Variants in SLC26A7 observed in about 807,000 individuals in gnomAD.
The protein encoded by SLC26A7 is anion exchange transporter.
A neutral mutation model predicts 82.5 loss-of-function variants in SLC26A7; 59 were observed. That is an observed-to-expected ratio of 0.72 (90% confidence interval 0.58 to 0.89). The LOEUF (loss-of-function observed/expected upper bound fraction) is 0.89, where lower values mean the gene tolerates loss of function less well. Among genes scored for constraint, SLC26A7 ranks in the 40% least tolerant of loss-of-function variants. The probability of loss-of-function intolerance (pLI) is 0.00; values close to 1 mark genes in which losing one functional copy is unlikely to be tolerated. For missense variants in SLC26A7, 820 were observed against 793.0 expected, an observed-to-expected ratio of 1.03 and a Z score of -0.41; for synonymous variants, 271 against 274.3, an observed-to-expected ratio of 0.99 and a Z score of 0.12.
intron 15 of SLC26A7, among the ~76,000 whole-genome samples, chr8:91,379,062 A>T (rs1167251824): frequency 7.3e-6 from 1 of 136,484 alleles, no homozygotes; most frequent in Non-Finnish European, 1.7e-5. Context: ...CAGTATCTTT[A>T]AAAAAAATCA....
chr8:91,246,951 A>G (rs1019450150), upstream of SLC26A7, among the ~76,000 whole-genome samples: 1 of 152,216 alleles, frequency 6.6e-6, no homozygotes, highest in African/African-American at 2.4e-5. Flanking sequence ...ATACAGAGGT[A>G]GTATCTACTC....
chr8:91,369,369 G>GT (rs34226630), intron 14 of SLC26A7, among the ~76,000 whole-genome samples: 18 of 147,506 alleles, frequency 1.2e-4, no homozygotes, highest in African/African-American at 3.5e-4. Flanking sequence ...ATACAGAGCT[G>GT]TTTTTTTTTT....
At chr8:91,367,076 C>T (rs547228144) in intron 14 of SLC26A7, among the ~76,000 whole-genome samples, 2 of 151,778 alleles carry the variant, frequency 1.3e-5, no homozygotes, top group African/African-American at 4.8e-5. Context: ...GGTGCCATCT[C>T]GGCTCACTGC....
chr8:91,253,367 C>A (rs1810711688), intron 2 of SLC26A7, among the ~76,000 whole-genome samples: 1 of 152,096 alleles, frequency 6.6e-6, no homozygotes, highest in Non-Finnish European at 1.5e-5. Context: ...TTGTTTCTAT[C>A]CCCTCTCATT....
At chr8:91,237,682 C>A (rs188275829) in intron 2 of SLC26A7, among the ~76,000 whole-genome samples, 5 of 152,190 alleles carry the variant, frequency 3.3e-5, no homozygotes, top group East Asian at 1.9e-4. Flanking sequence ...AAACCTCAAG[C>A]TTTAACTGCA....
chr8:91,383,385 G>T (rs559743700), intron 15 of SLC26A7, among the ~76,000 whole-genome samples: 2 of 152,128 alleles, frequency 1.3e-5, no homozygotes, highest in Non-Finnish European at 2.9e-5. Flanking sequence ...AGTCATCCAG[G>T]AGACATCAAG....
intron 1 of SLC26A7, among the ~76,000 whole-genome samples, chr8:91,216,493 T>A (rs1810050217): frequency 6.6e-6 from 1 of 152,178 alleles, no homozygotes; most frequent in African/African-American, 2.4e-5. Context: ...GGTTCTTGGC[T>A]CTATTAATTG....
intron 10 of SLC26A7, among the ~76,000 whole-genome samples, chr8:91,352,585 T>C (rs1305151957): frequency 2.0e-5 from 3 of 152,152 alleles, no homozygotes; most frequent in Admixed American, 1.3e-4. Context: ...TTCAAACAAA[T>C]GACCGTGAAT....
chr8:91,372,078 G>A (rs1281574125), intron 15 of SLC26A7, among the ~76,000 whole-genome samples: 1 of 151,708 alleles, frequency 6.6e-6, no homozygotes, highest in East Asian at 1.9e-4. Context: ...CTTTTTAGTG[G>A]GGTTATTTTC....
At chr8:91,275,819 A>G (rs1811391724) in intron 2 of SLC26A7, among the ~76,000 whole-genome samples, 1 of 152,142 alleles carries the variant, frequency 6.6e-6, no homozygotes, top group Admixed American at 6.5e-5. Context: ...CTGGACCATG[A>G]CTGTATGCAC....
chr8:91,224,780 C>T (rs2130667193), intron 2 of SLC26A7, among the ~76,000 whole-genome samples: 1 of 152,300 alleles, frequency 6.6e-6, no homozygotes, highest in Middle Eastern at 3.4e-3. Flanking sequence ...CTCAGAACGA[C>T]CAGGAGGAGA....
chr8:91,257,432 C>A (rs1810834882), intron 2 of SLC26A7, among the ~76,000 whole-genome samples: 1 of 152,070 alleles, frequency 6.6e-6, no homozygotes, highest in Non-Finnish European at 1.5e-5. Context: ...TTACCACCCC[C>A]AGCTCAGAGC....
chr8:91,221,222 C>A (rs1176443338), intron 2 of SLC26A7, among the ~76,000 whole-genome samples: 1 of 151,920 alleles, frequency 6.6e-6, no homozygotes, highest in East Asian at 1.9e-4. Flanking sequence ...GGTTGTTGGT[C>A]TTTTTCTTGT....
intron 4 of SLC26A7, among the ~76,000 whole-genome samples, chr8:91,310,225 A>G (rs1335514855): frequency 6.6e-6 from 1 of 152,114 alleles, no homozygotes. Flanking sequence ...GCTACCTACT[A>G]TAACATTTCC....
At chr8:91,365,845 T>G (rs1030220091) in intron 13 of SLC26A7, among the ~76,000 whole-genome samples, 1 of 152,212 alleles carries the variant, frequency 6.6e-6, no homozygotes, top group Non-Finnish European at 1.5e-5. Context: ...ACTTAGTTGG[T>G]AAGGAGTTGT....
At chr8:91,341,562 A>T (rs1377141093) in intron 8 of SLC26A7, among the ~76,000 whole-genome samples, 2 of 152,234 alleles carry the variant, frequency 1.3e-5, no homozygotes, top group Non-Finnish European at 2.9e-5. Flanking sequence ...TCACAAAAGT[A>T]GATTTATTCA....
chr8:91,378,653 C>T (rs1814585675), intron 15 of SLC26A7, among the ~76,000 whole-genome samples: 1 of 151,716 alleles, frequency 6.6e-6, no homozygotes, highest in African/African-American at 2.4e-5. Context: ...TGTGTTCTCT[C>T]TCAGATACCA....
chr8:91,234,823 ACCTACTTCCTTCCTTCCTTCCTTCCTTC>A (rs1348215195), intron 2 of SLC26A7, among the ~76,000 whole-genome samples: 3 of 74,330 alleles, frequency 4.0e-5, no homozygotes, highest in African/African-American at 2.1e-4. Context: ...CTACCTACCT[ACCTACTTCCTTCCTTCCTTCCTTCCTTC>A]CTTCCTTCCT....
intron 4 of SLC26A7, among the ~76,000 whole-genome samples, chr8:91,315,650 A>G (rs1586399709): frequency 6.6e-6 from 1 of 152,262 alleles, no homozygotes; most frequent in East Asian, 1.9e-4. Context: ...TCTTTTCTTT[A>G]TTATGTATTA....
Sources: allele counts gnomAD v4.1 joint callset (sites outside exome capture counted in the v4.1 genomes callset), GRCh38; gene constraint gnomAD v4.1.1; transcripts MANE v1.5; gene names NCBI Gene and HGNC (gene_info 2026-07-23, HGNC 2026-07-21).